Variants in CNTNAP2 observed in about 807,000 individuals in gnomAD.
CNTNAP2 encodes contactin-associated protein-like 2.
In CNTNAP2, 98 loss-of-function variants were observed where a neutral mutation model predicts 155.2. The observed-to-expected ratio is 0.63, with a 90% CI of 0.54 to 0.75. CNTNAP2 has a LOEUF of 0.75. Among genes scored for constraint, CNTNAP2 ranks in the 30% least tolerant of loss-of-function variants. The pLI is 0.00. For synonymous variants in CNTNAP2, 651 were observed against 631.2 expected (o/e 1.03, Z -0.47); for missense variants, 1,727 against 1,688.1 (o/e 1.02, Z -0.40).
intron 21 of CNTNAP2, among the ~76,000 whole-genome samples, chr7:148,299,045 C>T (rs1175811247): frequency 6.6e-6 from 1 of 150,658 alleles, no homozygotes; most frequent in Non-Finnish European, 1.5e-5. Context: ...GGCTGGAGTG[C>T]AGTGGCACGA....
chr7:148,067,497 G>A (rs545665324), intron 15 of CNTNAP2, among the ~76,000 whole-genome samples: 4 of 152,242 alleles, frequency 2.6e-5, no homozygotes, highest in Admixed American at 1.3e-4. Context: ...TGCTCTGGTC[G>A]AGGTAGTAGG....
chr7:146,421,239 A>G (rs1380508532), intron 1 of CNTNAP2, among the ~76,000 whole-genome samples: 1 of 152,058 alleles, frequency 6.6e-6, no homozygotes, highest in Non-Finnish European at 1.5e-5. Flanking sequence ...TATGTATACC[A>G]TGGTATTGAC....
chr7:146,774,745 A>G (rs895485752), intron 2 of CNTNAP2, among the ~76,000 whole-genome samples: 1 of 152,200 alleles, frequency 6.6e-6, no homozygotes, highest in Non-Finnish European at 1.5e-5. Context: ...GGTGTATTAA[A>G]AAAAGCACTT....
At chr7:146,678,442 CAA>C (rs1487015267) in intron 1 of CNTNAP2, among the ~76,000 whole-genome samples, 2 of 152,050 alleles carry the variant, frequency 1.3e-5, no homozygotes, top group Non-Finnish European at 2.9e-5. Flanking sequence ...AAAGCAAAAT[CAA>C]GAGATATTCA....
chr7:147,580,859 G>A (rs939493952), intron 12 of CNTNAP2, among the ~76,000 whole-genome samples: 6 of 152,070 alleles, frequency 3.9e-5, no homozygotes, highest in African/African-American at 1.4e-4. Flanking sequence ...CAGATGATCC[G>A]CCCGTCTCAG....
intron 11 of CNTNAP2, among the ~76,000 whole-genome samples, chr7:147,525,903 T>C (rs1799309772): frequency 6.6e-6 from 1 of 151,828 alleles, no homozygotes; most frequent in Non-Finnish European, 1.5e-5. Flanking sequence ...TTTTAGAAAA[T>C]ATTGTTAGGC....
At chr7:146,935,427 A>C (rs1280634386) in intron 3 of CNTNAP2, among the ~76,000 whole-genome samples, 1 of 152,208 alleles carries the variant, frequency 6.6e-6, no homozygotes, top group Non-Finnish European at 1.5e-5. Flanking sequence ...GTTGCCTCAT[A>C]ATCAGTCAGA....
chr7:148,335,925 T>C (rs1798108180), intron 21 of CNTNAP2, among the ~76,000 whole-genome samples: 1 of 152,170 alleles, frequency 6.6e-6, no homozygotes. Context: ...ATATCTTTCA[T>C]GAAGCTGTTG....
chr7:147,308,306 C>G (rs909803329), intron 9 of CNTNAP2, among the ~76,000 whole-genome samples: 1 of 152,064 alleles, frequency 6.6e-6, no homozygotes, highest in Non-Finnish European at 1.5e-5. Context: ...GAAGGTTGGA[C>G]CGAGTGAATC....
intron 1 of CNTNAP2, among the ~76,000 whole-genome samples, chr7:146,665,730 G>A (rs7793800): frequency 0.81 from 117,505 of 144,234 alleles, 48,541 homozygotes; most frequent in South Asian, 0.92. Context: ...GCAGTGAGCC[G>A]AGACTGTGCC....
At chr7:146,414,812 G>T (rs1163809632) in intron 1 of CNTNAP2, among the ~76,000 whole-genome samples, 2 of 152,112 alleles carry the variant, frequency 1.3e-5, no homozygotes, top group East Asian at 3.9e-4. Flanking sequence ...TCTGGGAGTG[G>T]AATAACAGGC....
At chr7:146,483,664 C>T (rs1797013189) in intron 1 of CNTNAP2, among the ~76,000 whole-genome samples, 1 of 150,742 alleles carries the variant, frequency 6.6e-6, no homozygotes, top group South Asian at 2.1e-4. Context: ...AAATGTATGT[C>T]TTATTTTTTA....
intron 11 of CNTNAP2, among the ~76,000 whole-genome samples, chr7:147,511,860 A>G (rs1011095581): frequency 6.6e-6 from 1 of 152,176 alleles, no homozygotes; most frequent in African/African-American, 2.4e-5. Context: ...CTGACTTTAC[A>G]TGAGCAAAGA....
chr7:148,085,858 G>C (rs942188040), intron 15 of CNTNAP2, among the ~76,000 whole-genome samples: 2 of 152,126 alleles, frequency 1.3e-5, no homozygotes, highest in African/African-American at 4.8e-5. Context: ...GATAGCAGGT[G>C]TGAGCCACCA....
At chr7:146,875,706 G>A (rs1048830844) in intron 3 of CNTNAP2, among the ~76,000 whole-genome samples, 1 of 151,508 alleles carries the variant, frequency 6.6e-6, no homozygotes, top group African/African-American at 2.4e-5. Context: ...AAATACTGGT[G>A]GCCTAAAACC....
At chr7:147,998,172 C>T (rs1439435494) in intron 15 of CNTNAP2, among the ~76,000 whole-genome samples, 1 of 135,078 alleles carries the variant, frequency 7.4e-6, no homozygotes, top group Non-Finnish European at 1.5e-5. Context: ...AGTGCAGTGG[C>T]ACAAACTCCG....
intron 1 of CNTNAP2, among the ~76,000 whole-genome samples, chr7:146,733,230 C>T (rs1801556057): frequency 1.3e-5 from 2 of 152,150 alleles, no homozygotes; most frequent in South Asian, 2.1e-4. Context: ...AATCCAGACC[C>T]TTAGTAATTT....
rs188137070 is a variant in CNTNAP2 at position 146,196,326 on chromosome 7, A to G, written c.97+79353A>G. Reference sequence around the variant, plus strand: ...TGAAATGAATTAGAGACTCTTACACAGGCGTTAGTTCATGTTTGTCATAAC... The same window carrying G: ...TGAAATGAATTAGAGACTCTTACACGGGCGTTAGTTCATGTTTGTCATAAC... On this transcript the variant is annotated intron_variant, in intron 1 of 23. Coordinates refer to ENST00000361727, the MANE Select transcript of CNTNAP2 (RefSeq NM_014141.6). Among the ~76,000 whole-genome samples the G allele has an allele frequency of 5.3e-5, 8 of 152,322 alleles. No individual in the cohort carries two copies. The East Asian group carries it at 1.4e-3, about 26-fold the overall frequency.
chr7:147,652,063 G>A (rs1056137784), intron 13 of CNTNAP2, among the ~76,000 whole-genome samples: 2 of 152,130 alleles, frequency 1.3e-5, no homozygotes, highest in Non-Finnish European at 2.9e-5. Flanking sequence ...AAGCACCTAT[G>A]AATAAAATAA....
Sources: allele counts gnomAD v4.1 joint callset (sites outside exome capture counted in the v4.1 genomes callset), GRCh38; gene constraint gnomAD v4.1.1; transcripts MANE v1.5; gene names NCBI Gene and HGNC (gene_info 2026-07-23, HGNC 2026-07-21).